STXBP5L: variants seen among roughly 807,000 people sequenced by gnomAD.
STXBP5L encodes syntaxin-binding protein 5-like.
Under a neutral mutation model 144.5 loss-of-function variants are expected in STXBP5L, and 65 were observed. That is an observed-to-expected ratio of 0.45 (90% CI 0.37 to 0.55). STXBP5L has a LOEUF of 0.55. Among genes scored for constraint, STXBP5L ranks in the 20% least tolerant of loss-of-function variants. The pLI is 0.00. For missense variants in STXBP5L, 1,298 were observed against 1,405.5 expected, an observed-to-expected ratio of 0.92 and a Z score of 1.22; for synonymous variants, 505 against 469.6, an observed-to-expected ratio of 1.08 and a Z score of -0.97.
At chr3:121,408,133 C>G (rs1373926677) in intron 23 of STXBP5L, among the ~76,000 whole-genome samples, 2 of 151,872 alleles carry the variant, frequency 1.3e-5, no homozygotes, top group African/African-American at 4.8e-5. Flanking sequence ...GGTTGCAAGT[C>G]TAGGAAAAGT....
chr3:121,133,757 G>A (rs1666674862), intron 7 of STXBP5L, among the ~76,000 whole-genome samples: 1 of 152,216 alleles, frequency 6.6e-6, no homozygotes, highest in Non-Finnish European at 1.5e-5. Context: ...TTGACTCACA[G>A]TTCTGCATGG....
At chr3:121,133,385 A>C (rs2045087217) in intron 7 of STXBP5L, among the ~76,000 whole-genome samples, 1 of 152,218 alleles carries the variant, frequency 6.6e-6, no homozygotes, top group African/African-American at 2.4e-5. Context: ...AGCAGCAAGA[A>C]AAAGTGGATT....
In STXBP5L at chr3:121,329,783, C is replaced by A. The variant is rs556385346; in HGVS notation, c.2176+11243C>A. On this transcript the variant is annotated intron_variant, in intron 20 of 26. Coordinates refer to ENST00000471454, the MANE Select transcript of STXBP5L (RefSeq NM_001308330.2). ...GCTGAGGCAGGAGAATTGCTTGAACCCAGGAGGAGGAGGATGCAGTGAGCC... is the reference window on the plus strand; with the variant it reads ...GCTGAGGCAGGAGAATTGCTTGAACACAGGAGGAGGAGGATGCAGTGAGCC... Among the ~76,000 whole-genome samples the A allele has an allele frequency of 3.5e-4, 53 of 152,222 alleles. 1 individual carries two copies. In the South Asian group the frequency reaches 0.011, roughly 31 times the overall value.
rs111256096 is a variant in STXBP5L at position 120,970,291 on chromosome 3, C to T, written c.287+15254C>T. Among the ~76,000 whole-genome samples, 1,414 of 151,996 alleles carry T rather than the reference C, an allele frequency of 9.3e-3. 10 individuals are homozygous for T. The highest frequency in any genetic ancestry group is 0.014 in the Non-Finnish European group (948 of 67,940). On this transcript the variant is annotated intron_variant, in intron 3 of 26. Coordinates refer to ENST00000471454, the MANE Select transcript of STXBP5L (RefSeq NM_001308330.2). ...TTTCTTTTATCAGTGAATTTTACAC[C>T]TTCAAATGTTTTCTTATTATACACT...
intron 8 of STXBP5L, among the ~76,000 whole-genome samples, chr3:121,153,593 C>T (rs572114022): frequency 6.6e-6 from 1 of 152,016 alleles, no homozygotes; most frequent in African/African-American, 2.4e-5. Flanking sequence ...CCCTAGAATA[C>T]TTTACATGTT....
chr3:121,386,674 G>A (rs1193276930), intron 22 of STXBP5L, among the ~76,000 whole-genome samples: 1 of 152,020 alleles, frequency 6.6e-6, no homozygotes, highest in Non-Finnish European at 1.5e-5. Context: ...GTCCTTGTGT[G>A]ATAGTTTGCT....
At chr3:121,088,129 G>T (rs902892738) in intron 5 of STXBP5L, among the ~76,000 whole-genome samples, 1 of 151,002 alleles carries the variant, frequency 6.6e-6, no homozygotes, top group Non-Finnish European at 1.5e-5. Flanking sequence ...CACAGCAAAA[G>T]AAACTACCAT....
intron 9 of STXBP5L, among the ~76,000 whole-genome samples, chr3:121,183,590 GAAGA>G (rs144221120): frequency 9.5e-5 from 14 of 147,354 alleles, no homozygotes; most frequent in South Asian, 4.5e-4. Context: ...TGAAAGAAAG[GAAGA>G]AAGAAAGAAA....
intron 3 of STXBP5L, among the ~76,000 whole-genome samples, chr3:121,039,633 A>G (rs1170198754): frequency 6.6e-6 from 1 of 151,798 alleles, no homozygotes. Context: ...TCTGTTCATG[A>G]TGAATTATTT....
chr3:121,006,679 T>C (rs1036535310), intron 3 of STXBP5L, among the ~76,000 whole-genome samples: 1 of 152,220 alleles, frequency 6.6e-6, no homozygotes, highest in African/African-American at 2.4e-5. Context: ...GTTTTTGCAG[T>C]GGCTGGTGCC....
chr3:121,064,710 G>C (rs180986679), intron 5 of STXBP5L, among the ~76,000 whole-genome samples: 124 of 152,166 alleles, frequency 8.1e-4, no homozygotes, highest in African/African-American at 2.7e-3. Context: ...TTTAGGTTTT[G>C]TCTTAAATAT....
chr3:120,984,691 A>G (rs115576581), intron 3 of STXBP5L, among the ~76,000 whole-genome samples: 120 of 123,830 alleles, frequency 9.7e-4, no homozygotes, highest in African/African-American at 3.7e-3. Context: ...AGTAAGTACC[A>G]TGTTGAATAG....
intron 3 of STXBP5L, among the ~76,000 whole-genome samples, chr3:121,000,775 G>A (rs1038841907): frequency 2.6e-5 from 4 of 152,148 alleles, no homozygotes; most frequent in Admixed American, 2.6e-4. Flanking sequence ...GCTGTCCTTT[G>A]GATGGGGCTT....
rs75956893 is a variant in STXBP5L at position 121,031,707 on chromosome 3, G to C, written c.288-9993G>C. On this transcript the variant is annotated intron_variant, in intron 3 of 26. Coordinates refer to ENST00000471454, the MANE Select transcript of STXBP5L (RefSeq NM_001308330.2). The stretch of plus-strand genomic sequence containing the variant: ...ATAGCAAGATTTAGACTGGTATTTG[G>C]TCAAAAACTGGGTACCTAAGTGGAC... 7.7e-3 allele frequency among the ~76,000 whole-genome samples: 1,176 copies of C among 152,158 alleles called. 11 individuals are homozygous for C. The highest frequency in any genetic ancestry group is 0.011 in the Non-Finnish European group (716 of 67,986).
At chr3:121,257,413 T>G (rs1577318850) in intron 17 of STXBP5L, 80 bp downstream of exon 17, 1 of 1,327,548 alleles carries the variant, frequency 7.5e-7, no homozygotes, top group East Asian at 2.4e-5. Context: ...GAAATTAATT[T>G]TCTCTTATTA....
In STXBP5L at chr3:121,004,868, T is replaced by C. The variant is rs553759681; in HGVS notation, c.288-36832T>C. ...TGGATTACGTTTATTGATTTGCATA[T>C]GTTGAACCAGCCTTGCATCCCAGGG... On this transcript the variant is annotated intron_variant, in intron 3 of 26. Transcript: ENST00000471454. 5.6e-4 allele frequency among the ~76,000 whole-genome samples: 85 copies of C among 152,334 alleles called. 1 individual carries two copies. The highest frequency in any genetic ancestry group is 3.3e-3 in the South Asian group (16 of 4,832).
intron 20 of STXBP5L, among the ~76,000 whole-genome samples, chr3:121,347,785 T>A (rs529646881): frequency 6.6e-6 from 1 of 152,300 alleles, no homozygotes; most frequent in African/African-American, 2.4e-5. Context: ...TAAGAATGCT[T>A]GTGATTTTTG....
intron 3 of STXBP5L, among the ~76,000 whole-genome samples, chr3:120,984,859 A>G (rs1313498978): frequency 6.6e-6 from 1 of 151,450 alleles, no homozygotes; most frequent in Non-Finnish European, 1.5e-5. Flanking sequence ...ATTTGTTGAG[A>G]GTTTTTATTA....
chr3:120,977,156 C>T (rs975353145), intron 3 of STXBP5L, among the ~76,000 whole-genome samples: 1 of 152,154 alleles, frequency 6.6e-6, no homozygotes, highest in African/African-American at 2.4e-5. Context: ...GTTAAAGTCT[C>T]CCATTAATAT....
Sources: allele counts gnomAD v4.1 joint callset (sites outside exome capture counted in the v4.1 genomes callset), GRCh38; gene constraint gnomAD v4.1.1; transcripts MANE v1.5; gene names NCBI Gene and HGNC (gene_info 2026-07-23, HGNC 2026-07-21).